The following TACC2 variants were observed in gnomAD, a reference collection of about 807,000 sequenced individuals.
TACC2 encodes the protein transforming acidic coiled-coil-containing protein 2.
Under a neutral mutation model 227.3 loss-of-function variants are expected in TACC2, and 137 were observed. The ratio of observed to expected loss-of-function variants is 0.60; its 90% CI spans 0.52 to 0.69. The LOEUF is 0.69. Among genes scored for constraint, TACC2 ranks in the 30% least tolerant of loss-of-function variants. TACC2 has a pLI of 0.00. For missense variants in TACC2, 3,470 were observed against 3,694.4 expected (o/e 0.94, Z 1.57); for synonymous variants, 1,523 against 1,487.5 (o/e 1.02, Z -0.55).
intron 7 of TACC2, among the ~76,000 whole-genome samples, chr10:122,169,463 T>A: frequency 6.6e-6 from 1 of 152,226 alleles, no homozygotes; most frequent in Non-Finnish European, 1.5e-5. Context: ...TCTGGGCCAT[T>A]CCGTCTTTGT....
intron 7 of TACC2, among the ~76,000 whole-genome samples, chr10:122,184,155 G>A (rs374530440): frequency 3.5e-4 from 53 of 152,232 alleles, no homozygotes; most frequent in African/African-American, 1.0e-3. Flanking sequence ...CCCCATCCTG[G>A]TCCTTGGGTA....
intron 22 of TACC2, among the ~76,000 whole-genome samples, chr10:122,252,845 C>T (rs1049401960): frequency 1.3e-5 from 2 of 152,162 alleles, no homozygotes; most frequent in African/African-American, 4.8e-5. Context: ...TTCAGAGCCC[C>T]ATCGTCCAGC....
At chr10:122,222,169 G>A (rs1203519525) in intron 11 of TACC2, among the ~76,000 whole-genome samples, 1 of 152,246 alleles carries the variant, frequency 6.6e-6, no homozygotes, top group African/African-American at 2.4e-5. Flanking sequence ...GTGGCATGGT[G>A]TGAAAATAGG....
Position 122,131,618 on chromosome 10 carries a change from A to T in TACC2, c.5574-991A>T, listed in dbSNP as rs182504843. On this transcript the variant is annotated intron_variant, in intron 5 of 22. Transcript: ENST00000369005. ...GGGTTTCTCAACCTTGGCACTATTGATGTTCTGGACCACATAGTCCTTTGT... is the reference window on the plus strand; with the variant it reads ...GGGTTTCTCAACCTTGGCACTATTGTTGTTCTGGACCACATAGTCCTTTGT... Among the ~76,000 whole-genome samples, 18 of 152,364 alleles carry T rather than the reference A, an allele frequency of 1.2e-4. 1 individual carries two copies.
At chr10:122,153,848 T>A (rs1396379935) in intron 7 of TACC2, among the ~76,000 whole-genome samples, 1 of 152,226 alleles carries the variant, frequency 6.6e-6, no homozygotes. Context: ...TGTCCCTTGC[T>A]TTCTATTCAT....
chr10:122,236,773 G>A (rs977161639), intron 16 of TACC2, among the ~76,000 whole-genome samples: 1 of 152,124 alleles, frequency 6.6e-6, no homozygotes, highest in Admixed American at 6.5e-5. Flanking sequence ...AGACTTCATG[G>A]CAACAGAACT....
chr10:122,099,240 G>C (rs1279750544), intron 5 of TACC2, among the ~76,000 whole-genome samples: 1 of 152,176 alleles, frequency 6.6e-6, no homozygotes, highest in Non-Finnish European at 1.5e-5. Context: ...CGAAGCAGCT[G>C]GTATTGAAAC....
intron 11 of TACC2, 142 bp downstream of exon 11, chr10:122,216,970 A>C: frequency 6.7e-7 from 1 of 1,496,716 alleles, no homozygotes; most frequent in Non-Finnish European, 9.0e-7. Flanking sequence ...CTCCCGCTGC[A>C]CTTGCAGCTC....
chr10:122,069,302 C>T (rs113570703), intron 3 of TACC2, among the ~76,000 whole-genome samples: 16 of 151,832 alleles, frequency 1.1e-4, no homozygotes, highest in African/African-American at 2.4e-4. Flanking sequence ...AGTGCAGTGG[C>T]GCCATCTCGG....
chr10:122,159,044 G>A (rs1157510653), intron 7 of TACC2, among the ~76,000 whole-genome samples: 1 of 152,208 alleles, frequency 6.6e-6, no homozygotes, highest in Non-Finnish European at 1.5e-5. Context: ...GCAGGCAGCC[G>A]AGGGGATGGG....
intron 7 of TACC2, among the ~76,000 whole-genome samples, chr10:122,190,590 A>G (rs2094377297): frequency 6.6e-6 from 1 of 152,050 alleles, no homozygotes; most frequent in African/African-American, 2.4e-5. Flanking sequence ...TAGCACATTG[A>G]TTGCCTGGTA....
chr10:122,180,592 C>T lies in TACC2; in HGVS notation c.5835-14448C>T, dbSNP rs914895223. Reference sequence around the variant, plus strand: ...TGACCTTGTGATCCACCTGCCTCGGCGTCCCGAAGTGCTGGGATTACAGGC... The same window carrying T: ...TGACCTTGTGATCCACCTGCCTCGGTGTCCCGAAGTGCTGGGATTACAGGC... On this transcript the variant is annotated intron_variant, in intron 7 of 22. Coordinates refer to ENST00000369005, the MANE Select transcript of TACC2 (RefSeq NM_206862.4). This position sits in a 1 kb window ranked among gnomAD's most constrained non-coding sequence, Gnocchi z 4.5. Among the ~76,000 whole-genome samples the T allele has an allele frequency of 6.6e-6, 1 of 152,280 alleles. No homozygotes were observed. The highest frequency in any genetic ancestry group is 1.9e-4 in the East Asian group (1 of 5,154).
chr10:122,005,988 C>A (rs1955073894), intron 1 of TACC2, among the ~76,000 whole-genome samples: 1 of 152,168 alleles, frequency 6.6e-6, no homozygotes, highest in African/African-American at 2.4e-5. Context: ...AGCTACCACA[C>A]CTGGCCTACT....
At chr10:122,129,404 G>A (rs189951653) in intron 5 of TACC2, among the ~76,000 whole-genome samples, 9 of 152,108 alleles carry the variant, frequency 5.9e-5, no homozygotes, top group Non-Finnish European at 1.0e-4. Context: ...CTGTGGTTGC[G>A]CCTTAATTTG....
intron 1 of TACC2, among the ~76,000 whole-genome samples, chr10:122,006,482 A>ATAAATAAATAAAT (rs1201081674): frequency 6.7e-6 from 1 of 149,472 alleles, no homozygotes. Context: ...AAATAAATAA[A>ATAAATAAATAAAT]AAATAGGATG....
chr10:122,008,246 G>GTTATTGTTATTATTA (rs1554958020), intron 1 of TACC2, among the ~76,000 whole-genome samples: 10 of 111,890 alleles, frequency 8.9e-5, no homozygotes, highest in African/African-American at 2.9e-4. Flanking sequence ...CTATCCCTTT[G>GTTATTGTTATTATTA]TTATTATTAT....
At chr10:122,017,326 G>A (rs1457670163) in intron 1 of TACC2, among the ~76,000 whole-genome samples, 4 of 152,050 alleles carry the variant, frequency 2.6e-5, no homozygotes, top group Non-Finnish European at 5.9e-5. Flanking sequence ...CGTCGCCTGC[G>A]AAGTCCCCTG....
intron 3 of TACC2, among the ~76,000 whole-genome samples, chr10:122,061,026 G>GC (rs2076752383): frequency 7.2e-6 from 1 of 138,278 alleles, no homozygotes; most frequent in Admixed American, 7.4e-5. Flanking sequence ...AAAAGGGGGG[G>GC]GGGCCAGGCA....
chr10:122,110,958 T>A (rs576622849), intron 5 of TACC2, among the ~76,000 whole-genome samples: 1 of 152,334 alleles, frequency 6.6e-6, no homozygotes, highest in African/African-American at 2.4e-5. Context: ...TTTTTCCAGC[T>A]TCTAGAAGCC....
Sources: allele counts gnomAD v4.1 joint callset (sites outside exome capture counted in the v4.1 genomes callset), GRCh38; gene constraint gnomAD v4.1.1; non-coding constraint Gnocchi (gnomAD v3.1); transcripts MANE v1.5; gene names NCBI Gene and HGNC (gene_info 2026-07-23, HGNC 2026-07-21).